The following MICALL1 variants were observed in gnomAD, a reference collection of about 807,000 sequenced individuals.
MICALL1 encodes the protein MICAL like 1, also known as MICAL-like protein 1.
Under a neutral mutation model 83.7 loss-of-function variants are expected in MICALL1, and 61 were observed. That is an observed-to-expected ratio of 0.73 (90% CI 0.59 to 0.90). The LOEUF (loss-of-function observed/expected upper bound fraction) is 0.90. MICALL1 is among the 40% of genes least tolerant of loss of function. The pLI is 0.00. For synonymous variants in MICALL1, 481 were observed against 473.6 expected, an observed-to-expected ratio of 1.02 and a Z score of -0.20; for missense variants, 1,066 against 1,152.0, an observed-to-expected ratio of 0.93 and a Z score of 1.08.
intron 13 of MICALL1, among the ~76,000 whole-genome samples, chr22:37,936,186 C>A (rs1020118053): frequency 6.6e-6 from 1 of 152,104 alleles, no homozygotes; most frequent in Non-Finnish European, 1.5e-5. Context: ...TTGGCTGGGG[C>A]CTTGAGAGGA....
intron 3 of MICALL1, among the ~76,000 whole-genome samples, chr22:37,914,541 T>TAC (rs1928551210): frequency 6.7e-6 from 1 of 149,080 alleles, no homozygotes; most frequent in South Asian, 2.1e-4. Flanking sequence ...TTTCTTTCAT[T>TAC]ATATATATAT....
chr22:37,929,840 G>T (rs577900106), intron 9 of MICALL1, among the ~76,000 whole-genome samples: 1 of 152,372 alleles, frequency 6.6e-6, no homozygotes, highest in Non-Finnish European at 1.5e-5. Context: ...GACAGCCTTT[G>T]TGGGGCAGCT....
intron 3 of MICALL1, among the ~76,000 whole-genome samples, 177 bp downstream of exon 3, chr22:37,912,669 C>T (rs189074145): frequency 1.6e-3 from 234 of 150,946 alleles, no homozygotes; most frequent in African/African-American, 5.0e-3. Context: ...GACAGAGTTT[C>T]GCTCTTTTTT....
Position 37,925,764 on chromosome 22 carries a change from A to T in MICALL1, c.1186A>T (p.Ser396Cys). ...CCCAAGCAGCAGCCCGGGGCCACCA[A>T]GCCAGGACAGCAGGCAGGTGGAGAA... ...LPPSSSPGPP[S>C]QDSRQVENGG... is the part of the protein sequence containing the mutation. Residue 396 changes from serine to cysteine, a missense_variant, in exon 8 of 16, where the codon AGC (serine) becomes TGC (cysteine). Transcript: ENST00000215957. 1 of 1,613,066 alleles carries T rather than the reference A, an allele frequency of 6.2e-7. No individual in the cohort carries two copies. Among genetic ancestry groups the T allele is most frequent in the Non-Finnish European group, 8.5e-7 (1 of 1,179,934 alleles).
In MICALL1 at chr22:37,937,135, T is replaced by C; in HGVS notation, c.2364T>C (p.Leu788=). 6.4e-7 allele frequency: 1 copy of C among 1,551,154 alleles called. No homozygotes were observed. The highest frequency in any genetic ancestry group is 8.7e-7 in the Non-Finnish European group (1 of 1,146,862). ...GGGAGAAGGTGCTGATGCAGGAGCTTGTGACCCTCATTGAGCAGCGCAACG... is the reference window on the plus strand; with the variant it reads ...GGGAGAAGGTGCTGATGCAGGAGCTCGTGACCCTCATTGAGCAGCGCAACG... ...RAREKVLMQE[L]VTLIEQRNAI... The change falls in exon 14 of 16, where the codon CTT becomes CTC. Residue 788 remains leucine, a synonymous_variant. Coordinates refer to ENST00000215957, the MANE Select transcript of MICALL1 (RefSeq NM_033386.4).
intron 3 of MICALL1, 93 bp from the exon 4 acceptor site, chr22:37,917,614 T>C: frequency 8.7e-7 from 1 of 1,155,050 alleles, no homozygotes; most frequent in Admixed American, 1.8e-5. Flanking sequence ...CTTTAGGTGA[T>C]GGCTACAGGT....
intron 15 of MICALL1, among the ~76,000 whole-genome samples, chr22:37,938,994 G>T (rs1275075079): frequency 6.6e-6 from 1 of 152,124 alleles, no homozygotes. Context: ...GGCCTCAAGC[G>T]ATCTGCCCAC....
chr22:37,931,981 C>T, intron 10 of MICALL1, 48 bp downstream of exon 10: 1 of 1,594,322 alleles, frequency 6.3e-7, no homozygotes, highest in South Asian at 1.1e-5. Flanking sequence ...GGCTGGCAAC[C>T]CCCACTCTGC....
chr22:37,933,241 G>T, intron 13 of MICALL1, 129 bp downstream of exon 13: 1 of 931,782 alleles, frequency 1.1e-6, no homozygotes, highest in Non-Finnish European at 1.7e-6. Flanking sequence ...AGAGGAGGAG[G>T]TGCGGGGCAG....
In MICALL1 at chr22:37,922,291, C is replaced by G. The variant is rs190839368; in HGVS notation, c.889C>G (p.Pro297Ala). 7.2e-5 allele frequency: 112 copies of G among 1,555,336 alleles called. 1 individual carries two copies. Among genetic ancestry groups the G allele is most frequent in the African/African-American group, 3.0e-4 (22 of 73,698 alleles). The change falls in exon 6 of 16, where the codon CCT (proline) becomes GCT (alanine). Residue 297 changes from proline to alanine, a missense_variant. By Grantham distance (27) the Pro-to-Ala change is conservative. Transcript: ENST00000215957. ...CAAACTACAGGAGCTGGCCAGCCCCCCTGCGGGCCGCCCCACCCCTGCCCC... is the reference window on the plus strand; with the variant it reads ...CAAACTACAGGAGCTGGCCAGCCCCGCTGCGGGCCGCCCCACCCCTGCCCC... ...PGKLQELASP[P>A]AGRPTPAPRK...
At position 37,906,606 on chromosome 22, in the gene MICALL1, C is replaced by T. The variant is rs1191706337; in HGVS notation, c.146+38C>T. 4.5e-6 allele frequency: 5 copies of T among 1,109,236 alleles called. No individual in the cohort carries two copies. The highest frequency in any genetic ancestry group is 3.3e-6 in the Non-Finnish European group (3 of 907,000). 68.7% of individuals were successfully genotyped at this position (1,109,236 alleles called of 1,614,324 possible). Reference sequence around the variant, plus strand: ...CCCCGGGCGAGCGGGCGGCGCGGGGCGGGCTGGGGCCGCGACCGCCGCCCC... The same window carrying T: ...CCCCGGGCGAGCGGGCGGCGCGGGGTGGGCTGGGGCCGCGACCGCCGCCCC... On this transcript the variant is annotated intron_variant, in intron 1 of 15. Transcript: ENST00000215957. This position sits in a 1 kb window ranked among gnomAD's most constrained non-coding sequence, Gnocchi z 4.4.
chr22:37,920,712 G>C (rs1425663831), intron 5 of MICALL1, among the ~76,000 whole-genome samples: 2 of 152,074 alleles, frequency 1.3e-5, no homozygotes, highest in Non-Finnish European at 2.9e-5. Context: ...ACGAGGTCAG[G>C]AGATCGAAGC....
At chr22:37,939,086 G>A (rs1350943913) in intron 15 of MICALL1, among the ~76,000 whole-genome samples, 1 of 152,284 alleles carries the variant, frequency 6.6e-6, no homozygotes, top group East Asian at 1.9e-4. Context: ...GGTTTTACCA[G>A]TACCTCACTT....
intron 9 of MICALL1, among the ~76,000 whole-genome samples, chr22:37,928,506 G>A (rs1038534162): frequency 2.0e-5 from 3 of 152,196 alleles, no homozygotes; most frequent in Admixed American, 6.5e-5. Context: ...GCCCCCGGCT[G>A]TCTAGGGCCT....
intron 1 of MICALL1, among the ~76,000 whole-genome samples, chr22:37,909,409 A>G (rs920247414): frequency 2.1e-4 from 31 of 148,222 alleles, no homozygotes; most frequent in Non-Finnish European, 7.4e-5. Context: ...GCCAAGCTGG[A>G]GTGCAGTGGC....
chr22:37,940,971 TTCC>T lies in MICALL1; in HGVS notation c.*147_*149del, dbSNP rs1467026353. ...GAGGGATCCTCTGGGTGATGGCCTCTTCCTCCTCAGGGACCTCTGACTGCTCTG... is the reference window on the plus strand; with the variant it reads ...GAGGGATCCTCTGGGTGATGGCCTCTTCCTCAGGGACCTCTGACTGCTCTG... On this transcript the variant is annotated 3_prime_UTR_variant, in exon 16 of 16. Transcript: ENST00000215957. The T allele has an allele frequency of 8.5e-6, 9 of 1,061,982 alleles. No homozygotes were observed. In the East Asian group the frequency reaches 2.4e-4, roughly 28 times the overall value. 65.8% of individuals were successfully genotyped at this position (1,061,982 alleles called of 1,614,324 possible).
rs372067339 is a variant in MICALL1 at position 37,927,463 on chromosome 22, G to A, written c.1518G>A (p.Ser506=). Residue 506 remains serine (S), a synonymous_variant, in exon 9 of 16, where the codon TCG becomes TCA. Coordinates refer to ENST00000215957, the MANE Select transcript of MICALL1 (RefSeq NM_033386.4). Reference sequence around the variant, plus strand: ...CGGAGCCGCCCTCGGCCACACCATCGCCAGCGCTCAGCGTGGAGAGCCTGT... The same window carrying A: ...CGGAGCCGCCCTCGGCCACACCATCACCAGCGCTCAGCGTGGAGAGCCTGT... The part of the protein sequence containing the change: ...SHSEPPSATP[S]PALSVESLSS... 1.1e-4 allele frequency: 176 copies of A among 1,606,132 alleles called. 1 individual carries two copies. Among genetic ancestry groups the A allele is most frequent in the Middle Eastern group, 1.7e-4 (1 of 6,048 alleles).
In MICALL1 at chr22:37,925,649, C is replaced by A; in HGVS notation, c.1083-12C>A. On this transcript the variant is annotated splice_polypyrimidine_tract_variant and intron_variant, in intron 7 of 15. Coordinates refer to ENST00000215957, the MANE Select transcript of MICALL1 (RefSeq NM_033386.4). ...TCTGCTAATGGTTTCTGCTGCTTCC[C>A]CCCTCCTCCAGGACACCAGCCCCCA... 1 of 1,585,360 alleles carries A rather than the reference C, an allele frequency of 6.3e-7. No individual in the cohort carries two copies. The highest frequency in any genetic ancestry group is 2.3e-5 in the East Asian group (1 of 44,318).
rs1352075300 is a variant in MICALL1 at position 37,912,444 on chromosome 22, A to G, written c.289A>G (p.Met97Val). The change falls in exon 3 of 16, where the codon ATG becomes GTG. Residue 97 changes from methionine to valine, a missense_variant. Met to Val is a conservative substitution (Grantham distance 21). Transcript: ENST00000215957. The part of the protein sequence containing the change: ...SMSVPDCLSI[M>V]TYVSQYYNHF... The stretch of plus-strand genomic sequence containing the variant: ...GAGCGTCCCTGACTGCCTCAGCATC[A>G]TGACCTATGTGTCCCAGTATTACAA... 2 of 1,613,972 alleles carry G rather than the reference A, an allele frequency of 1.2e-6. No individual in the cohort carries two copies. Among genetic ancestry groups the G allele is most frequent in the Non-Finnish European group, 8.5e-7 (1 of 1,179,900 alleles).
Sources: gnomAD v4.1 joint callset for allele counts (sites outside exome capture counted in the v4.1 genomes callset) on GRCh38, gnomAD v4.1.1 for gene constraint, Gnocchi (gnomAD v3.1) non-coding constraint, MANE v1.5 for transcripts, NCBI Gene and HGNC (gene_info 2026-07-23, HGNC 2026-07-21) for gene names.